The following GSK3B variants were observed in gnomAD, a reference collection of about 807,000 sequenced individuals.
The protein encoded by GSK3B is glycogen synthase kinase-3 beta.
In GSK3B, 15 loss-of-function variants were observed where a neutral mutation model predicts 56.4. The observed-to-expected ratio is 0.27, with a 90% CI of 0.18 to 0.41. The LOEUF is 0.41. GSK3B is among the 10% of genes least tolerant of loss of function. GSK3B has a pLI of 1.00. For synonymous variants in GSK3B, 181 were observed against 188.9 expected, an observed-to-expected ratio of 0.96 and a Z score of 0.34; for missense variants, 300 against 513.4, an observed-to-expected ratio of 0.58 and a Z score of 4.02.
At chr3:119,834,209 A>G (rs2055652553) in intron 10 of GSK3B, among the ~76,000 whole-genome samples, 1 of 152,214 alleles carries the variant, frequency 6.6e-6, no homozygotes, top group African/African-American at 2.4e-5. Context: ...TTCCTACTCA[A>G]GCTGTTCCAA....
chr3:119,903,039 T>C (rs1298958049), intron 7 of GSK3B, among the ~76,000 whole-genome samples: 1 of 152,124 alleles, frequency 6.6e-6, no homozygotes, highest in African/African-American at 2.4e-5. Context: ...TGGGGCTACA[T>C]TAAACACACA....
chr3:119,826,782 G>C lies in GSK3B; in HGVS notation c.*6C>G. On this transcript the variant is annotated 3_prime_UTR_variant, in exon 11 of 11. Coordinates refer to ENST00000264235, the MANE Select transcript of GSK3B (RefSeq NM_001146156.2). Reference sequence around the variant, plus strand: ...TTTTCCTGTGCAGCTGGCTGCTCGGGACTGTTCAGGTGGAGTTGGAAGCTG... The same window carrying C: ...TTTTCCTGTGCAGCTGGCTGCTCGGCACTGTTCAGGTGGAGTTGGAAGCTG... 6.2e-7 allele frequency: 1 copy of C among 1,602,650 alleles called. No homozygotes were observed. Among genetic ancestry groups the C allele is most frequent in the Non-Finnish European group, 8.6e-7 (1 of 1,169,578 alleles).
chr3:119,918,744 T>G (rs1452366986), intron 4 of GSK3B, among the ~76,000 whole-genome samples: 1 of 152,180 alleles, frequency 6.6e-6, no homozygotes, highest in Non-Finnish European at 1.5e-5. Flanking sequence ...ATTTTTCATT[T>G]TATTCAAAGT....
intron 10 of GSK3B, among the ~76,000 whole-genome samples, chr3:119,832,350 T>G (rs2055615675): frequency 6.6e-6 from 1 of 152,270 alleles, no homozygotes; most frequent in South Asian, 2.1e-4. Context: ...GCTAATGTTT[T>G]GACTATGTCA....
intron 7 of GSK3B, among the ~76,000 whole-genome samples, chr3:119,877,323 G>T (rs968083457): frequency 6.6e-6 from 1 of 152,076 alleles, no homozygotes. Context: ...ATCAAGAGAT[G>T]TTCGAGTCCC....
Position 119,826,707 on chromosome 3 carries a change from C to T in GSK3B, c.*81G>A. On this transcript the variant is annotated 3_prime_UTR_variant, in exon 11 of 11. Transcript: ENST00000264235. ...AGGATTTTTTTCTCTTTTTAATATT[C>T]TTTCCAAACGTGACCAGTGTTGCTG... 1.1e-6 allele frequency: 1 copy of T among 882,086 alleles called. No homozygotes were observed. Among genetic ancestry groups the T allele is most frequent in the African/African-American group, 1.6e-5 (1 of 61,148 alleles). 54.6% of individuals were successfully genotyped at this position (882,086 alleles called of 1,614,324 possible).
intron 3 of GSK3B, among the ~76,000 whole-genome samples, chr3:119,936,845 A>G (rs2057000212): frequency 6.6e-6 from 1 of 151,970 alleles, no homozygotes; most frequent in Non-Finnish European, 1.5e-5. Context: ...AAGACAGATC[A>G]ATAAGGAAAC....
At chr3:119,954,313 C>G (rs199503844) in intron 2 of GSK3B, among the ~76,000 whole-genome samples, 1 of 124,696 alleles carries the variant, frequency 8.0e-6, no homozygotes, top group Non-Finnish European at 1.9e-5. Context: ...AGAAAAGAAA[C>G]AGAACAGAAC....
intron 9 of GSK3B, among the ~76,000 whole-genome samples, chr3:119,860,649 A>G (rs559767928): frequency 5.3e-5 from 8 of 152,322 alleles, no homozygotes; most frequent in African/African-American, 1.7e-4. Context: ...ATAAAACACT[A>G]TATTTTACTC....
At chr3:120,072,794 T>A (rs556178523) in intron 1 of GSK3B, among the ~76,000 whole-genome samples, 7 of 152,084 alleles carry the variant, frequency 4.6e-5, no homozygotes, top group Non-Finnish European at 8.8e-5. Flanking sequence ...ACAACAAAAA[T>A]TATTGAGACC....
chr3:120,036,830 T>C (rs953646629), intron 1 of GSK3B, among the ~76,000 whole-genome samples: 1 of 148,142 alleles, frequency 6.8e-6, no homozygotes, highest in African/African-American at 2.5e-5. Flanking sequence ...CTATGCCATC[T>C]AGCAGTTTTA....
At chr3:119,924,270 TG>T (rs1309997485) in intron 3 of GSK3B, among the ~76,000 whole-genome samples, 1 of 152,248 alleles carries the variant, frequency 6.6e-6, no homozygotes, top group East Asian at 1.9e-4. Flanking sequence ...ACCTTGTTCA[TG>T]TGGCCAGTAT....
At position 119,823,739 on chromosome 3, in the gene GSK3B, TC is replaced by T; in HGVS notation, c.*3048del. The T allele has an allele frequency of 5.3e-6, 1 of 190,038 alleles. No homozygotes were observed. Among genetic ancestry groups the T allele is most frequent in the Non-Finnish European group, 1.1e-5 (1 of 90,526 alleles). The allele number at this position is 190,038 out of a possible 1,614,324, so 11.8% of individuals were successfully genotyped here. On this transcript the variant is annotated 3_prime_UTR_variant, in exon 11 of 11. Coordinates refer to ENST00000264235, the MANE Select transcript of GSK3B (RefSeq NM_001146156.2). ...TCAGAACCAAAACAAAGGCAGGGCT[TC>T]AACGAAATGAAATTACGAATATGAT...
intron 1 of GSK3B, among the ~76,000 whole-genome samples, chr3:120,077,923 T>C (rs1161115356): frequency 6.6e-6 from 1 of 152,008 alleles, no homozygotes; most frequent in African/African-American, 2.4e-5. Context: ...AATAAATCAA[T>C]TAAAAAAATA....
chr3:119,903,722 T>C (rs937234977), intron 7 of GSK3B, among the ~76,000 whole-genome samples: 2 of 152,188 alleles, frequency 1.3e-5, no homozygotes, highest in Non-Finnish European at 2.9e-5. Flanking sequence ...TGAATTAAAA[T>C]TAATGACAAA....
chr3:120,030,073 GA>G (rs200176213), intron 1 of GSK3B, among the ~76,000 whole-genome samples: 21 of 149,366 alleles, frequency 1.4e-4, no homozygotes, highest in East Asian at 5.9e-4. Flanking sequence ...TATCTAGTTG[GA>G]AAAAAAAAAT....
intron 7 of GSK3B, among the ~76,000 whole-genome samples, chr3:119,890,084 T>C (rs140550813): frequency 1.3e-5 from 2 of 152,120 alleles, no homozygotes; most frequent in East Asian, 1.9e-4. Context: ...CTTTGGAAAA[T>C]AGTTTGGTAA....
intron 1 of GSK3B, among the ~76,000 whole-genome samples, chr3:120,031,448 C>T (rs868218112): frequency 3.7e-4 from 56 of 152,048 alleles, no homozygotes; most frequent in Admixed American, 3.0e-3. Context: ...CCGTGAAAGG[C>T]GACTGAGGAT....
At chr3:119,867,743 T>G (rs1481258010) in intron 8 of GSK3B, among the ~76,000 whole-genome samples, 1 of 152,198 alleles carries the variant, frequency 6.6e-6, no homozygotes, top group Non-Finnish European at 1.5e-5. Flanking sequence ...CTGGCTATTC[T>G]AAGAGAATTT....
Sources: gnomAD v4.1 joint callset for allele counts (sites outside exome capture counted in the v4.1 genomes callset) on GRCh38, gnomAD v4.1.1 for gene constraint, MANE v1.5 for transcripts, NCBI Gene and HGNC (gene_info 2026-07-23, HGNC 2026-07-21) for gene names.